The following OPCML variants were observed in gnomAD, a reference collection of about 807,000 sequenced individuals.
OPCML encodes the protein opioid binding protein/cell adhesion molecule like.
A neutral mutation model predicts 37.8 loss-of-function variants in OPCML; 13 were observed. The observed-to-expected ratio is 0.34, with a 90% confidence interval of 0.22 to 0.55. OPCML has a LOEUF of 0.55. Ranked by LOEUF, OPCML falls within the 20% of genes least tolerant of loss-of-function variation. OPCML has a pLI of 0.91. For missense variants in OPCML, 341 were observed against 435.6 expected (o/e 0.78, Z 1.93); for synonymous variants, 176 against 168.8 (o/e 1.04, Z -0.33).
intron 4 of OPCML, chr11:132,437,591 T>C (rs1248169628): frequency 4.5e-6 from 2 of 445,836 alleles, no homozygotes; most frequent in African/African-American, 2.1e-5. Flanking sequence ...CACTTAACTT[T>C]CTTAGAGCAT....
At chr11:133,369,026 G>C (rs1723036783) in intron 1 of OPCML, among the ~76,000 whole-genome samples, 1 of 152,220 alleles carries the variant, frequency 6.6e-6, no homozygotes, top group Non-Finnish European at 1.5e-5. Flanking sequence ...CATTCTTCAT[G>C]ATAGGCAGAA....
At chr11:132,696,131 G>T (rs1405133670) in intron 2 of OPCML, among the ~76,000 whole-genome samples, 1 of 152,128 alleles carries the variant, frequency 6.6e-6, no homozygotes, top group Non-Finnish European at 1.5e-5. Flanking sequence ...AGCTGCCAAG[G>T]AATTTGCCCC....
At chr11:132,674,233 T>A (rs1303102757) in intron 2 of OPCML, among the ~76,000 whole-genome samples, 1 of 152,176 alleles carries the variant, frequency 6.6e-6, no homozygotes, top group East Asian at 1.9e-4. Flanking sequence ...AAACTTAGCA[T>A]CACAGCAGAG....
chr11:132,681,564 C>G (rs1346045824), intron 2 of OPCML, among the ~76,000 whole-genome samples: 3 of 152,252 alleles, frequency 2.0e-5, no homozygotes, highest in African/African-American at 7.2e-5. Flanking sequence ...TCTTTCACAT[C>G]GGCAATAAAA....
intron 2 of OPCML, among the ~76,000 whole-genome samples, chr11:132,659,078 G>A (rs949741304): frequency 6.6e-6 from 1 of 152,108 alleles, no homozygotes; most frequent in Non-Finnish European, 1.5e-5. Context: ...AGGTACCATC[G>A]AATGATTCTT....
At position 133,112,657 on chromosome 11, in the gene OPCML, T is replaced by C. The variant is rs371759530; in HGVS notation, c.62-169647A>G. ...GGGCTATTTGCCGTGAATGCTTTGA[T>C]AGGTGAATGTCCCAGGTTCACCAGT... On this transcript the variant is annotated intron_variant, in intron 1 of 7. Transcript: ENST00000524381. 3.3e-5 allele frequency among the ~76,000 whole-genome samples: 5 copies of C among 152,274 alleles called. No homozygotes were observed. In the South Asian group the frequency reaches 6.2e-4, roughly 19 times the overall value.
At chr11:132,496,560 C>T (rs2096231855) in intron 4 of OPCML, among the ~76,000 whole-genome samples, 1 of 152,218 alleles carries the variant, frequency 6.6e-6, no homozygotes, top group Non-Finnish European at 1.5e-5. Context: ...CTTGGTCAGT[C>T]ATGCATGCCC....
At chr11:132,692,526 G>A (rs1222930708) in intron 2 of OPCML, among the ~76,000 whole-genome samples, 2 of 152,200 alleles carry the variant, frequency 1.3e-5, no homozygotes, top group African/African-American at 4.8e-5. Flanking sequence ...TGCCACTTTG[G>A]TGGAAAATTG....
intron 2 of OPCML, among the ~76,000 whole-genome samples, chr11:132,669,095 T>C (rs1942346072): frequency 1.3e-5 from 2 of 152,070 alleles, no homozygotes; most frequent in Admixed American, 6.6e-5. Context: ...GGGAGATCAA[T>C]CAACACAATT....
chr11:133,484,164 G>GTAGATAGA (rs532495992), intron 1 of OPCML, among the ~76,000 whole-genome samples: 10 of 138,328 alleles, frequency 7.2e-5, no homozygotes, highest in Admixed American at 2.8e-4. Context: ...AGATAGATAG[G>GTAGATAGA]TAGATAGATA....
intron 1 of OPCML, among the ~76,000 whole-genome samples, chr11:133,356,442 G>A (rs1371391410): frequency 1.3e-5 from 2 of 152,160 alleles, no homozygotes; most frequent in African/African-American, 4.8e-5. Flanking sequence ...CCACAATCGG[G>A]GTTAGACCTG....
At chr11:132,901,355 G>A (rs912621658) in intron 2 of OPCML, among the ~76,000 whole-genome samples, 11 of 152,102 alleles carry the variant, frequency 7.2e-5, no homozygotes, top group Non-Finnish European at 1.6e-4. Flanking sequence ...ACAACACAGT[G>A]TCCTTTTAAA....
rs570979425 is a variant in OPCML, at chr11:132,475,459, A to T, written c.506-38100T>A. 5.9e-5 allele frequency among the ~76,000 whole-genome samples: 9 copies of T among 152,254 alleles called. No homozygotes were observed. The East Asian group carries it at 1.7e-3, about 29-fold the overall frequency. On this transcript the variant is annotated intron_variant, in intron 4 of 7. Coordinates refer to ENST00000524381, the MANE Select transcript of OPCML (RefSeq NM_001012393.5). ...TGACTGTTTGGAGACAGGGTCTTTA[A>T]GGGGGTGATTAAGTTACAATGAGGC...
chr11:133,118,747 C>T (rs1032903419), intron 1 of OPCML, among the ~76,000 whole-genome samples: 10 of 152,090 alleles, frequency 6.6e-5, no homozygotes, highest in African/African-American at 2.2e-4. Context: ...CTTGAGGTGG[C>T]GGAGGCAGGA....
chr11:132,920,834 T>C (rs189034170), intron 2 of OPCML, among the ~76,000 whole-genome samples: 4 of 152,308 alleles, frequency 2.6e-5, no homozygotes, highest in Non-Finnish European at 4.4e-5. Flanking sequence ...CGTGCTGTCA[T>C]GTCACGGCCT....
intron 2 of OPCML, among the ~76,000 whole-genome samples, chr11:132,925,515 G>T (rs1944957280): frequency 6.6e-6 from 1 of 152,226 alleles, no homozygotes; most frequent in Admixed American, 6.5e-5. Flanking sequence ...AGAACCTGGT[G>T]GGGCTTCTGG....
chr11:132,597,530 A>C (rs2096494233), intron 3 of OPCML, among the ~76,000 whole-genome samples: 1 of 152,222 alleles, frequency 6.6e-6, no homozygotes. Context: ...AGGAAAGATC[A>C]CATTTCAGTC....
intron 1 of OPCML, among the ~76,000 whole-genome samples, chr11:133,341,998 ACT>A (rs772952817): frequency 1.3e-5 from 2 of 151,962 alleles, no homozygotes; most frequent in Non-Finnish European, 2.9e-5. Flanking sequence ...AAGGAACAGC[ACT>A]CTTTCTTGAG....
intron 4 of OPCML, among the ~76,000 whole-genome samples, chr11:132,459,361 C>T (rs371576597): frequency 1.1e-4 from 16 of 151,666 alleles, no homozygotes; most frequent in South Asian, 6.3e-4. Context: ...TCTCAGCCTC[C>T]GTAATCATCA....
Sources: gnomAD v4.1 joint callset for allele counts (sites outside exome capture counted in the v4.1 genomes callset) on GRCh38, gnomAD v4.1.1 for gene constraint, MANE v1.5 for transcripts, NCBI Gene and HGNC (gene_info 2026-07-23, HGNC 2026-07-21) for gene names.